The following ATAD3C variants were observed in gnomAD, a reference collection of about 807,000 sequenced individuals.
The protein encoded by ATAD3C is ATPase family AAA domain containing 3C, also known as ATPase family AAA domain-containing protein 3C.
Under a neutral mutation model 46.3 loss-of-function variants are expected in ATAD3C, and 38 were observed. The observed-to-expected ratio is 0.82, with a 90% CI of 0.63 to 1.08. ATAD3C has a LOEUF of 1.08. ATAD3C is among the 50% of genes least tolerant of loss of function. The pLI is 0.00. For synonymous variants in ATAD3C, 220 were observed against 236.4 expected (o/e 0.93, Z 0.63); for missense variants, 563 against 572.7 (o/e 0.98, Z 0.17).
chr1:1,457,739 C>CGT (rs1013455083), intron 8 of ATAD3C, among the ~76,000 whole-genome samples: 1 of 151,112 alleles, frequency 6.6e-6, no homozygotes, highest in African/African-American at 2.4e-5. Context: ...AGTTCAGTGG[C>CGT]GTGATCTCGG....
chr1:1,463,546 T>A (rs760246807), intron 11 of ATAD3C, among the ~76,000 whole-genome samples: 4 of 151,962 alleles, frequency 2.6e-5, no homozygotes, highest in Non-Finnish European at 4.4e-5. Context: ...TCAAACCCCG[T>A]CCTTCTGGGT....
rs1371644912 is a variant in ATAD3C at position 1,468,460 on chromosome 1, A to G, written c.1166A>G (p.Gln389Arg). 1 of 1,612,956 alleles carries G rather than the reference A, an allele frequency of 6.2e-7. No homozygotes were observed. The highest frequency in any genetic ancestry group is 1.3e-5 in the African/African-American group (1 of 75,010). ...MDACVQDFVQ[Q>R]HQQMMRWLKG... ...GCCTGCGTGCAAGACTTTGTCCAGC[A>G]GCACCAGCAGATGATGCGCTGGCTG... Residue 389 changes from glutamine (Q) to arginine (R), a missense_variant, in exon 12 of 12, where the codon CAG becomes CGG. Physicochemically the swap from Gln to Arg is conservative, Grantham distance 43 (BLOSUM62 1). This residue lies in a region of ATAD3C where 273 missense variants were observed against 253.5 expected (regional missense o/e 1.08). Coordinates refer to ENST00000378785, the MANE Select transcript of ATAD3C (RefSeq NM_001039211.3).
intron 8 of ATAD3C, among the ~76,000 whole-genome samples, chr1:1,457,723 G>C (rs1427291094): frequency 6.6e-6 from 1 of 151,568 alleles, no homozygotes; most frequent in African/African-American, 2.4e-5. Context: ...TTTGTTGCCA[G>C]AGTGGAGTTC....
intron 3 of ATAD3C, among the ~76,000 whole-genome samples, chr1:1,453,084 G>T (rs1361147542): frequency 6.6e-6 from 1 of 152,120 alleles, no homozygotes; most frequent in East Asian, 1.9e-4. Flanking sequence ...CCAGAGCTGT[G>T]ACTGCAGCGC....
rs1470126366 is a variant in ATAD3C at position 1,454,328 on chromosome 1, C to T, written c.223-17C>T. ...GACGGTGGGGGCCGGTGCGCCAGTG[C>T]GGTGTCTCTGCTGCAGGTGGCTGGG... On this transcript the variant is annotated splice_polypyrimidine_tract_variant and intron_variant, in intron 3 of 11. Coordinates refer to ENST00000378785, the MANE Select transcript of ATAD3C (RefSeq NM_001039211.3). 4.0e-5 allele frequency: 63 copies of T among 1,593,376 alleles called. 2 individuals carry two copies. Among genetic ancestry groups the T allele is most frequent in the Non-Finnish European group, 5.2e-5 (61 of 1,171,880 alleles).
intron 4 of ATAD3C, 68 bp from the exon 5 acceptor site, chr1:1,455,392 G>C (rs1032375852): frequency 6.3e-7 from 1 of 1,585,422 alleles, no homozygotes; most frequent in Non-Finnish European, 8.6e-7. Context: ...TACCGAGCTT[G>C]TGTGTGCGTT....
At position 1,459,598 on chromosome 1, in the gene ATAD3C, T is replaced by C. The variant is rs1002598174; in HGVS notation, c.812+367T>C. On this transcript the variant is annotated intron_variant, in intron 9 of 11. Coordinates refer to ENST00000378785, the MANE Select transcript of ATAD3C (RefSeq NM_001039211.3). This position sits in a 1 kb window ranked among gnomAD's most constrained non-coding sequence, Gnocchi z 4.9. ...CTTGGAGGGTGTGTGTGCCCTGGGG[T>C]GGGAGATGGAGACAAGTTTGCTCCC... Among the ~76,000 whole-genome samples, 5 of 151,192 alleles carry C rather than the reference T, an allele frequency of 3.3e-5. No homozygotes were observed. The highest frequency in any genetic ancestry group is 1.2e-4 in the African/African-American group (5 of 40,960).
chr1:1,453,095 C>T (rs1390211269), intron 3 of ATAD3C, among the ~76,000 whole-genome samples: 1 of 152,140 alleles, frequency 6.6e-6, no homozygotes, highest in Non-Finnish European at 1.5e-5. Flanking sequence ...ACTGCAGCGC[C>T]TGCCGGTGGC....
Position 1,456,914 on chromosome 1 carries a change from C to T in ATAD3C, c.690-215C>T, listed in dbSNP as rs111546444. ...GGTGTGGACTCTAAGCGGCCACCAG[C>T]GCTGCACTGGGCTGAGTGGGGGTGA... On this transcript the variant is annotated intron_variant, in intron 7 of 11. Coordinates refer to ENST00000378785, the MANE Select transcript of ATAD3C (RefSeq NM_001039211.3). 2.6e-3 allele frequency among the ~76,000 whole-genome samples: 388 copies of T among 151,906 alleles called. 4 individuals carry two copies. The highest frequency in any genetic ancestry group is 7.2e-3 in the African/African-American group (298 of 41,400).
chr1:1,465,905 A>T (rs540656534), intron 11 of ATAD3C, among the ~76,000 whole-genome samples: 1 of 151,916 alleles, frequency 6.6e-6, no homozygotes, highest in African/African-American at 2.4e-5. Flanking sequence ...CCAGTTTTTC[A>T]CCACTGAGTA....
At chr1:1,467,768 C>T (rs572287449) in intron 11 of ATAD3C, among the ~76,000 whole-genome samples, 2 of 152,176 alleles carry the variant, frequency 1.3e-5, no homozygotes, top group Admixed American at 6.5e-5. Context: ...GACTCCATGC[C>T]CTTTGCTGGC....
intron 11 of ATAD3C, among the ~76,000 whole-genome samples, chr1:1,467,406 CG>C (rs1639162044): frequency 6.6e-6 from 1 of 151,898 alleles, no homozygotes; most frequent in Non-Finnish European, 1.5e-5. Context: ...CCTGCGCTCC[CG>C]GGCCCCCGAC....
rs554154005 is a variant in ATAD3C, at chr1:1,457,139, T to C, written c.700T>C (p.Phe234Leu). 3.9e-5 allele frequency: 63 copies of C among 1,613,396 alleles called. 1 individual carries two copies. Among genetic ancestry groups the C allele is most frequent in the Non-Finnish European group, 5.3e-5 (62 of 1,179,632 alleles). Residue 234 changes from phenylalanine to leucine, a missense_variant, in exon 8 of 12, where the codon TTT (phenylalanine) becomes CTT (leucine). This residue lies in a region of ATAD3C where 273 missense variants were observed against 253.5 expected (regional missense o/e 1.08). Transcript: ENST00000378785. Reference protein sequence around the residue: ...ANTSRRGLLLFVDEADAFLRK... With the variant: ...ANTSRRGLLLLVDEADAFLRK... ...CCCTCTCGTCCACAGCCTCCTGCTCTTTGTGGATGAAGCGGACGCCTTCCT... is the reference window on the plus strand; with the variant it reads ...CCCTCTCGTCCACAGCCTCCTGCTCCTTGTGGATGAAGCGGACGCCTTCCT...
chr1:1,465,698 GT>G (rs1352907443), intron 11 of ATAD3C, among the ~76,000 whole-genome samples: 1 of 150,240 alleles, frequency 6.7e-6, no homozygotes, highest in Non-Finnish European at 1.5e-5. Flanking sequence ...TCACAGGGTT[GT>G]TTTTTCCAAT....
intron 1 of ATAD3C, among the ~76,000 whole-genome samples, chr1:1,451,289 G>A (rs925406941): frequency 9.9e-5 from 15 of 151,866 alleles, no homozygotes; most frequent in African/African-American, 3.1e-4. Flanking sequence ...GCCTGCCTCA[G>A]CCTCCCAAAG....
chr1:1,462,728 A>G lies in ATAD3C; in HGVS notation c.1089+20A>G. The G allele has an allele frequency of 3.2e-6, 5 of 1,586,266 alleles. No homozygotes were observed. In the South Asian group the frequency reaches 5.7e-5, roughly 18 times the overall value. On this transcript the variant is annotated intron_variant, in intron 11 of 11. Transcript: ENST00000378785. This position sits in a 1 kb window ranked among gnomAD's most constrained non-coding sequence, Gnocchi z 4.5. Reference sequence around the variant, plus strand: ...TGGCAGGTGAGTCAGGCTCGGGTGCACCCACCCAGATGGAAGCCCAGCTGC... The same window carrying G: ...TGGCAGGTGAGTCAGGCTCGGGTGCGCCCACCCAGATGGAAGCCCAGCTGC...
intron 11 of ATAD3C, among the ~76,000 whole-genome samples, chr1:1,464,058 G>A (rs963854362): frequency 2.0e-5 from 3 of 151,252 alleles, no homozygotes; most frequent in African/African-American, 2.4e-5. Context: ...ACAAAAATTG[G>A]TCGGGCATGG....
intron 11 of ATAD3C, among the ~76,000 whole-genome samples, chr1:1,467,135 C>G (rs548199868): frequency 4.2e-4 from 64 of 152,150 alleles, no homozygotes; most frequent in Middle Eastern, 3.4e-3. Flanking sequence ...CCCCAGAATC[C>G]CACCCAGGAG....
chr1:1,454,972 T>C (rs1487520714), intron 4 of ATAD3C, among the ~76,000 whole-genome samples: 1 of 151,508 alleles, frequency 6.6e-6, no homozygotes. Flanking sequence ...TCCCAGCACT[T>C]TGGGAGGCCA....
Sources: allele counts gnomAD v4.1 joint callset (sites outside exome capture counted in the v4.1 genomes callset), GRCh38; gene constraint gnomAD v4.1.1; regional missense constraint gnomAD v4.1.1; non-coding constraint Gnocchi (gnomAD v3.1); transcripts MANE v1.5; gene names NCBI Gene and HGNC (gene_info 2026-07-23, HGNC 2026-07-21).